VRK1: variants seen among roughly 807,000 people sequenced by gnomAD.
The protein encoded by VRK1 is VRK serine/threonine kinase 1, also known as serine/threonine-protein kinase VRK1.
VRK1 carries 33 observed loss-of-function variants against 57.1 expected under a neutral mutation model. The observed-to-expected ratio is 0.58, with a 90% CI of 0.44 to 0.77. The LOEUF is 0.77. Among genes scored for constraint, VRK1 ranks in the 30% least tolerant of loss-of-function variants. The probability of loss-of-function intolerance (pLI) is 0.00; values close to 1 mark genes in which losing one functional copy is unlikely to be tolerated. For synonymous variants in VRK1, 137 were observed against 147.8 expected (o/e 0.93, Z 0.53); for missense variants, 413 against 477.3 (o/e 0.87, Z 1.25).
chr14:96,880,881 A>G (rs376022424), intron 12 of VRK1, among the ~76,000 whole-genome samples: 3 of 152,320 alleles, frequency 2.0e-5, no homozygotes, highest in African/African-American at 4.8e-5. Flanking sequence ...TTGGAGAGAA[A>G]TATTTCAGTA....
At chr14:96,877,732 C>T (rs771105387) in intron 12 of VRK1, 32 of 938,358 alleles carry the variant, frequency 3.4e-5, no homozygotes, top group Non-Finnish European at 3.8e-5. Flanking sequence ...GTCTCAGCTG[C>T]GCATCAGGAA....
At chr14:96,839,409 T>C (rs983833382) in intron 3 of VRK1, among the ~76,000 whole-genome samples, 2 of 152,190 alleles carry the variant, frequency 1.3e-5, no homozygotes, top group African/African-American at 2.4e-5. Context: ...TTTAAACTTA[T>C]AAGAAAGTAC....
intron 11 of VRK1, among the ~76,000 whole-genome samples, chr14:96,865,761 GT>G (rs199593950): frequency 6.8e-5 from 10 of 147,760 alleles, no homozygotes; most frequent in East Asian, 2.1e-4. Flanking sequence ...TAATTCTTCT[GT>G]TTTTTTTTTT....
chr14:96,856,886 T>G (rs2139805961), intron 10 of VRK1, among the ~76,000 whole-genome samples: 1 of 152,226 alleles, frequency 6.6e-6, no homozygotes, highest in Admixed American at 6.5e-5. Context: ...GAGAATCGCT[T>G]GAACCCGGGA....
At chr14:96,871,182 A>G (rs1281716511) in intron 11 of VRK1, among the ~76,000 whole-genome samples, 11 of 152,320 alleles carry the variant, frequency 7.2e-5, no homozygotes, top group Non-Finnish European at 1.5e-4. Context: ...TGAACTAGTG[A>G]AGAACATAGA....
rs1295929798 is a variant in VRK1, at chr14:96,837,743, A to G, written c.161-19A>G. ...AATATTACTTGTTCTGATATCAAAT[A>G]TTTTACTTTTTTAAACAGCTGATAT... On this transcript the variant is annotated intron_variant, in intron 2 of 12. Coordinates refer to ENST00000216639, the MANE Select transcript of VRK1 (RefSeq NM_003384.3). The G allele has an allele frequency of 6.6e-7, 1 of 1,524,502 alleles. No individual in the cohort carries two copies. The highest frequency in any genetic ancestry group is 1.8e-5 in the Admixed American group (1 of 54,446). 94.4% of individuals were successfully genotyped at this position (1,524,502 alleles called of 1,614,324 possible). A position where few individuals can be genotyped will look rare whatever the true frequency, so the allele number is the denominator to read the frequency against.
intron 9 of VRK1, 84 bp from the exon 10 acceptor site, chr14:96,856,444 A>T: frequency 7.3e-7 from 1 of 1,367,490 alleles, no homozygotes; most frequent in Non-Finnish European, 1.0e-6. Flanking sequence ...ATGTAGCACA[A>T]TATAGCTTAA....
chr14:96,842,010 A>T (rs1486678316), intron 3 of VRK1, among the ~76,000 whole-genome samples: 1 of 152,058 alleles, frequency 6.6e-6, no homozygotes, highest in East Asian at 1.9e-4. Context: ...CATTCTTCTT[A>T]TGCCACTAGT....
At chr14:96,806,784 T>G (rs1320475958) in intron 1 of VRK1, among the ~76,000 whole-genome samples, 4 of 152,148 alleles carry the variant, frequency 2.6e-5, no homozygotes, top group Admixed American at 1.3e-4. Context: ...AACAAAACTT[T>G]TTTCAATTCA....
chr14:96,846,382 A>G (rs1887694333), intron 4 of VRK1, among the ~76,000 whole-genome samples: 1 of 152,190 alleles, frequency 6.6e-6, no homozygotes, highest in Non-Finnish European at 1.5e-5. Flanking sequence ...GAAGTTAATA[A>G]TAAATGACCT....
intron 1 of VRK1, among the ~76,000 whole-genome samples, chr14:96,825,789 A>G (rs1031566457): frequency 2.6e-5 from 4 of 152,242 alleles, no homozygotes; most frequent in African/African-American, 4.8e-5. Flanking sequence ...TCCTTGAATC[A>G]GAGTGTCTCT....
intron 1 of VRK1, among the ~76,000 whole-genome samples, chr14:96,812,350 A>T (rs957587323): frequency 3.9e-5 from 6 of 152,226 alleles, no homozygotes; most frequent in African/African-American, 1.4e-4. Context: ...AAGTGGCTGT[A>T]TTGTTTTATA....
intron 1 of VRK1, among the ~76,000 whole-genome samples, chr14:96,831,545 AAAAAT>A (rs1297448192): frequency 6.6e-6 from 1 of 152,218 alleles, no homozygotes; most frequent in Non-Finnish European, 1.5e-5. Context: ...AAATAAAACT[AAAAAT>A]AAAAGCAAAC....
At chr14:96,847,167 G>A (rs1030307829) in intron 4 of VRK1, 90 bp from the exon 5 acceptor site, 2 of 967,080 alleles carry the variant, frequency 2.1e-6, no homozygotes, top group Non-Finnish European at 3.2e-6. Flanking sequence ...CTTATTGCAT[G>A]TATAAATACA....
intron 5 of VRK1, among the ~76,000 whole-genome samples, chr14:96,852,539 C>T (rs913231162): frequency 6.6e-6 from 1 of 152,038 alleles, no homozygotes; most frequent in Non-Finnish European, 1.5e-5. Flanking sequence ...TTTATTTTTA[C>T]CGTGAATAAA....
intron 3 of VRK1, among the ~76,000 whole-genome samples, chr14:96,844,065 A>G (rs1375131558): frequency 1.3e-5 from 2 of 152,364 alleles, no homozygotes; most frequent in East Asian, 3.9e-4. Context: ...CCTGAATTAT[A>G]TAAATGAGCT....
chr14:96,827,324 G>A (rs977623763), intron 1 of VRK1, among the ~76,000 whole-genome samples: 1 of 152,156 alleles, frequency 6.6e-6, no homozygotes, highest in African/African-American at 2.4e-5. Flanking sequence ...TCAGTAGAAG[G>A]TGAGGAAGGG....
intron 12 of VRK1, among the ~76,000 whole-genome samples, chr14:96,880,499 G>C (rs763421364): frequency 9.9e-5 from 15 of 152,182 alleles, no homozygotes; most frequent in Non-Finnish European, 1.9e-4. Context: ...AGGAGTAGTA[G>C]GTGGGGTGAA....
rs1303361519 is a variant in VRK1 at position 96,876,251 on chromosome 14, A to G, written c.1159+131A>G. On this transcript the variant is annotated intron_variant, in intron 12 of 12. Transcript: ENST00000216639. ...TAATAAAATACCACAAGATTTTTAT[A>G]TAGTATGTATTGTGTCTTTTGTACA... 6 of 802,772 alleles carry G rather than the reference A, an allele frequency of 7.5e-6. No individual in the cohort carries two copies. The East Asian group carries it at 1.0e-4, about 14-fold the overall frequency. 49.7% of individuals were successfully genotyped at this position (802,772 alleles called of 1,614,324 possible). A position where few individuals can be genotyped will look rare whatever the true frequency, so the allele number is the denominator to read the frequency against.
Sources: allele counts gnomAD v4.1 joint callset (sites outside exome capture counted in the v4.1 genomes callset), GRCh38; gene constraint gnomAD v4.1.1; transcripts MANE v1.5; gene names NCBI Gene and HGNC (gene_info 2026-07-23, HGNC 2026-07-21).